The following NETO1 variants were observed in gnomAD, a reference collection of about 807,000 sequenced individuals.
The protein encoded by NETO1 is neuropilin and tolloid like 1, also known as neuropilin and tolloid-like protein 1.
NETO1 carries 26 observed loss-of-function variants against 61.3 expected under a neutral mutation model. The observed-to-expected ratio is 0.42, with a 90% CI of 0.31 to 0.59. NETO1 has a LOEUF of 0.59. Among genes scored for constraint, NETO1 ranks in the 20% least tolerant of loss-of-function variants. The probability of loss-of-function intolerance (pLI) is 0.12; values close to 1 mark genes in which losing one functional copy is unlikely to be tolerated. For synonymous variants in NETO1, 225 were observed against 225.8 expected (o/e 1.00, Z 0.03); for missense variants, 531 against 662.8 (o/e 0.80, Z 2.18).
chr18:72,821,641 T>A (rs2073204633), intron 4 of NETO1, among the ~76,000 whole-genome samples: 2 of 151,780 alleles, frequency 1.3e-5, no homozygotes, highest in African/African-American at 4.8e-5. Context: ...GTCAGAAATG[T>A]AACACTGATG....
In NETO1 at chr18:72,867,522, C is replaced by T. The variant is rs1314105712; in HGVS notation, c.-231G>A. On this transcript the variant is annotated 5_prime_UTR_variant, in exon 1 of 11. Coordinates refer to ENST00000327305, the MANE Select transcript of NETO1 (RefSeq NM_138966.5). ...CCGGGCGGGCTCTCGCTCTCGCTGG[C>T]CCTCAGCGCCGCGCAGCCAGCAGCA... 1 of 385,100 alleles carries T rather than the reference C, an allele frequency of 2.6e-6. No homozygotes were observed. Among genetic ancestry groups the T allele is most frequent in the Non-Finnish European group, 4.6e-6 (1 of 217,516 alleles). 23.9% of individuals were successfully genotyped at this position (385,100 alleles called of 1,614,324 possible). A position where few individuals can be genotyped will look rare whatever the true frequency, so the allele number is the denominator to read the frequency against.
At chr18:72,827,886 GGTCT>G (rs1233191312) in intron 4 of NETO1, among the ~76,000 whole-genome samples, 2 of 152,146 alleles carry the variant, frequency 1.3e-5, no homozygotes, top group African/African-American at 4.8e-5. Flanking sequence ...TGGGCTTGGA[GGTCT>G]TTTCTGCATC....
intron 6 of NETO1, among the ~76,000 whole-genome samples, chr18:72,784,428 A>C (rs1406845892): frequency 3.9e-5 from 6 of 152,092 alleles, no homozygotes; most frequent in Non-Finnish European, 8.8e-5. Flanking sequence ...TCGAAGTATA[A>C]TTTTTTATAA....
intron 7 of NETO1, among the ~76,000 whole-genome samples, chr18:72,779,550 C>A (rs758393541): frequency 6.6e-6 from 1 of 152,046 alleles, no homozygotes; most frequent in Admixed American, 6.6e-5. Flanking sequence ...TCCTACCCAC[C>A]CATTTCCAAG....
At chr18:72,823,258 T>C (rs1568229218) in intron 4 of NETO1, among the ~76,000 whole-genome samples, 1 of 152,156 alleles carries the variant, frequency 6.6e-6, no homozygotes, top group East Asian at 1.9e-4. Flanking sequence ...TGAGAGACAA[T>C]ATGAAGTGTC....
intron 3 of NETO1, among the ~76,000 whole-genome samples, chr18:72,862,365 CAT>C (rs1194836788): frequency 6.6e-6 from 1 of 152,298 alleles, no homozygotes; most frequent in East Asian, 1.9e-4. Context: ...TTATGACGTA[CAT>C]ATATACATTT....
At chr18:72,749,125 ATTTGC>A in intron 9 of NETO1, 37 bp from the exon 10 acceptor site, 1 of 1,199,414 alleles carries the variant, frequency 8.3e-7, no homozygotes, top group Admixed American at 2.0e-5. Flanking sequence ...ACAAAGTACT[ATTTGC>A]ACAAAAAAAT....
At chr18:72,829,272 TAA>T (rs999604940) in intron 4 of NETO1, among the ~76,000 whole-genome samples, 1 of 152,190 alleles carries the variant, frequency 6.6e-6, no homozygotes, top group African/African-American at 2.4e-5. Flanking sequence ...TCATGAAATT[TAA>T]GTCTCAAAAC....
intron 4 of NETO1, among the ~76,000 whole-genome samples, chr18:72,797,914 G>T (rs1428656798): frequency 6.6e-6 from 1 of 151,970 alleles, no homozygotes; most frequent in Non-Finnish European, 1.5e-5. Flanking sequence ...TCATTCTTTG[G>T]TTTTTGGTTC....
chr18:72,773,963 A>C (rs2071460916), intron 7 of NETO1, among the ~76,000 whole-genome samples: 1 of 151,900 alleles, frequency 6.6e-6, no homozygotes, highest in Non-Finnish European at 1.5e-5. Flanking sequence ...TTTATTTATA[A>C]TAATATAGAC....
intron 7 of NETO1, among the ~76,000 whole-genome samples, chr18:72,773,090 C>T (rs1236590217): frequency 6.6e-6 from 1 of 151,758 alleles, no homozygotes; most frequent in Non-Finnish European, 1.5e-5. Flanking sequence ...CACAATTGTG[C>T]TAGGCTTTCT....
Position 72,749,105 on chromosome 18 carries a change from A to G in NETO1, c.1542-17T>C, listed in dbSNP as rs2070503923. On this transcript the variant is annotated splice_polypyrimidine_tract_variant and intron_variant, in intron 9 of 10. Coordinates refer to ENST00000327305, the MANE Select transcript of NETO1 (RefSeq NM_138966.5). ...AGGCAGAACCTGGAATGTTATGGCT[A>G]TTTCATTCAACAAAGTACTATTTGC... is the stretch of plus-strand genomic sequence containing the variant. 3.4e-6 allele frequency: 5 copies of G among 1,471,438 alleles called. No individual in the cohort carries two copies. Among genetic ancestry groups the G allele is most frequent in the South Asian group, 1.1e-5 (1 of 87,924 alleles). 91.1% of individuals were successfully genotyped at this position (1,471,438 alleles called of 1,614,324 possible).
Position 72,750,398 on chromosome 18 carries a change from C to T in NETO1, c.1205G>A (p.Gly402Glu). ...HYELCTLRGT[G>E]ATADFADVAD... The stretch of plus-strand genomic sequence containing the variant: ...CACATCTGCAAAGTCAGCTGTAGCT[C>T]CTGTCCCTCTGAGAGTGCATAACTC... The change falls in exon 9 of 11, where the codon GGA (glycine) becomes GAA (glutamate). Residue 402 changes from glycine (G) to glutamate (E), a missense_variant. Transcript: ENST00000327305. The T allele has an allele frequency of 1.2e-6, 2 of 1,614,132 alleles. No homozygotes were observed. Among genetic ancestry groups the T allele is most frequent in the Non-Finnish European group, 1.7e-6 (2 of 1,180,010 alleles).
chr18:72,818,176 CAT>C (rs769076612), intron 4 of NETO1, among the ~76,000 whole-genome samples: 12 of 152,160 alleles, frequency 7.9e-5, no homozygotes, highest in African/African-American at 1.4e-4. Context: ...GATACTTACA[CAT>C]AGAGTGATAA....
At chr18:72,755,645 T>C (rs1165458960) in intron 8 of NETO1, among the ~76,000 whole-genome samples, 1 of 152,054 alleles carries the variant, frequency 6.6e-6, no homozygotes, top group Non-Finnish European at 1.5e-5. Flanking sequence ...AGACATTTTA[T>C]CTCTAGAGTA....
At chr18:72,827,111 C>A (rs1568232881) in intron 4 of NETO1, among the ~76,000 whole-genome samples, 2 of 134,450 alleles carry the variant, frequency 1.5e-5, no homozygotes. Context: ...TTTTCCAAAT[C>A]CGTAAGTTAC....
chr18:72,797,947 C>A (rs1405129516), intron 4 of NETO1, among the ~76,000 whole-genome samples: 2 of 152,188 alleles, frequency 1.3e-5, no homozygotes, highest in East Asian at 3.9e-4. Context: ...CTCAGAAACG[C>A]CTTCCTTGAC....
rs752030273 is a variant in NETO1, at chr18:72,750,243, T to G, written c.1360A>C (p.Ile454Leu). The change falls in exon 9 of 11, where the codon ATC becomes CTC. Residue 454 changes from isoleucine to leucine, a missense_variant. By Grantham distance (5) the Ile-to-Leu change is conservative (BLOSUM62 2). Transcript: ENST00000327305. ...RSNLSTRDAS[I>L]LTEMPTQPGK... The stretch of plus-strand genomic sequence containing the variant: ...GGCTGTGTGGGCATCTCTGTCAAGA[T>G]AGAAGCATCTCTTGTGCTGAGGTTA... The G allele has an allele frequency of 6.2e-7, 1 of 1,614,090 alleles. No individual in the cohort carries two copies. The highest frequency in any genetic ancestry group is 8.5e-7 in the Non-Finnish European group (1 of 1,179,984).
At chr18:72,825,898 A>G (rs577366921) in intron 4 of NETO1, among the ~76,000 whole-genome samples, 1 of 152,298 alleles carries the variant, frequency 6.6e-6, no homozygotes, top group East Asian at 1.9e-4. Context: ...AGATTTTTTT[A>G]GTAAGTGTTG....
Sources: gnomAD v4.1 joint callset for allele counts (sites outside exome capture counted in the v4.1 genomes callset) on GRCh38, gnomAD v4.1.1 for gene constraint, MANE v1.5 for transcripts, NCBI Gene and HGNC (gene_info 2026-07-23, HGNC 2026-07-21) for gene names.